CCDC158: variants seen among roughly 807,000 people sequenced by gnomAD.
The protein encoded by CCDC158 is coiled-coil domain-containing protein 158.
In CCDC158, 116 loss-of-function variants were observed where a neutral mutation model predicts 138.6. The observed-to-expected ratio is 0.84, with a 90% confidence interval of 0.72 to 0.98. The LOEUF (loss-of-function observed/expected upper bound fraction) is 0.98, where lower values mean the gene tolerates loss of function less well. Among genes scored for constraint, CCDC158 ranks in the 50% least tolerant of loss-of-function variants. CCDC158 has a pLI of 0.00. For synonymous variants in CCDC158, 436 were observed against 442.4 expected (o/e 0.99, Z 0.18); for missense variants, 1,265 against 1,306.1 (o/e 0.97, Z 0.48).
intron 9 of CCDC158, among the ~76,000 whole-genome samples, chr4:76,372,887 C>T (rs1024687409): frequency 1.3e-5 from 2 of 151,984 alleles, no homozygotes; most frequent in Non-Finnish European, 1.5e-5. Flanking sequence ...CTCGCCCTGT[C>T]GCCCAGGCTG....
At chr4:76,352,852 A>C in intron 16 of CCDC158, 1 of 297,210 alleles carries the variant, frequency 3.4e-6, no homozygotes, top group Non-Finnish European at 6.1e-6. Flanking sequence ...TATGGATATC[A>C]GGAACATCTT....
chr4:76,383,759 C>G (rs1270253974), intron 6 of CCDC158, 21 bp from the exon 7 acceptor site: 4 of 1,552,944 alleles, frequency 2.6e-6, no homozygotes, highest in Non-Finnish European at 3.6e-6. Context: ...AAAAGAGACA[C>G]TGATTTAGTT....
At chr4:76,344,768 T>A in intron 18 of CCDC158, 1 of 1,611,646 alleles carries the variant, frequency 6.2e-7, no homozygotes, top group Non-Finnish European at 8.5e-7. Flanking sequence ...GGCTTATTAT[T>A]CCACCTGCTG....
intron 18 of CCDC158, among the ~76,000 whole-genome samples, chr4:76,341,797 T>G (rs6532361): frequency 6.6e-6 from 1 of 152,222 alleles, no homozygotes; most frequent in African/African-American, 2.4e-5. Context: ...ATTACTTTTC[T>G]GGTTTTCCTA....
At chr4:76,337,807 G>T (rs1371937652) in intron 18 of CCDC158, among the ~76,000 whole-genome samples, 1 of 152,058 alleles carries the variant, frequency 6.6e-6, no homozygotes, top group Non-Finnish European at 1.5e-5. Context: ...TATCAGGCTT[G>T]TAAAGAAATA....
At chr4:76,342,533 G>A (rs1722156122) in intron 18 of CCDC158, among the ~76,000 whole-genome samples, 1 of 152,078 alleles carries the variant, frequency 6.6e-6, no homozygotes, top group African/African-American at 2.4e-5. Context: ...GCTATTATTA[G>A]AATTGTAAAA....
intron 1 of CCDC158, among the ~76,000 whole-genome samples, chr4:76,416,590 T>C (rs892030050): frequency 1.3e-5 from 2 of 152,202 alleles, no homozygotes; most frequent in African/African-American, 4.8e-5. Context: ...GTCCCTGTGC[T>C]GTGTGCAGCC....
chr4:76,339,200 A>T (rs1002601195), intron 18 of CCDC158, among the ~76,000 whole-genome samples: 9 of 152,196 alleles, frequency 5.9e-5, no homozygotes, highest in Admixed American at 5.9e-4. Flanking sequence ...AGAAGCAATT[A>T]TTGAATGCCA....
chr4:76,318,077 C>T (rs1456432796), intron 24 of CCDC158, among the ~76,000 whole-genome samples: 3 of 152,016 alleles, frequency 2.0e-5, no homozygotes, highest in African/African-American at 4.8e-5. Context: ...CAAATAGACA[C>T]TCTAAGGTCA....
intron 9 of CCDC158, 142 bp from the exon 10 acceptor site, chr4:76,371,678 C>G: frequency 3.1e-6 from 3 of 957,476 alleles, no homozygotes; most frequent in South Asian, 3.7e-5. Flanking sequence ...TGGCTCATGC[C>G]TGTAATCCCA....
rs200012767 is a variant in CCDC158, at chr4:76,353,152, C to T, written c.2416G>A (p.Val806Ile). 349 of 1,613,198 alleles carry T rather than the reference C, an allele frequency of 2.2e-4. 2 individuals carry two copies. In the Middle Eastern group the frequency reaches 9.5e-3, roughly 44 times the overall value. The change falls in exon 16 of 25, where the codon GTT becomes ATT. Residue 806 changes from valine (V) to isoleucine (I), a missense_variant. By Grantham distance (29) the Val-to-Ile change is conservative. Coordinates refer to ENST00000682701, the MANE Select transcript of CCDC158 (RefSeq NM_001394954.1). ...TCCAGAGCCACTTCCATATTAGTAA[C>T]CTTTTCTTTCAAACGGCGTTCCTGA... Reference protein sequence around the residue: ...RSQERRLKEKVTNMEVALDKA... With the variant: ...RSQERRLKEKITNMEVALDKA...
chr4:76,411,414 CA>C (rs1343271571), intron 2 of CCDC158, among the ~76,000 whole-genome samples: 1 of 151,746 alleles, frequency 6.6e-6, no homozygotes. Flanking sequence ...AAACAAAAAC[CA>C]AAAAAAGCAC....
At chr4:76,347,379 A>G (rs1722662264) in intron 18 of CCDC158, among the ~76,000 whole-genome samples, 1 of 152,136 alleles carries the variant, frequency 6.6e-6, no homozygotes, top group Non-Finnish European at 1.5e-5. Flanking sequence ...ATGCAGCCAT[A>G]AAAAAGGATG....
Position 76,332,509 on chromosome 4 carries a change from C to A in CCDC158, c.2823-18G>T. On this transcript the variant is annotated intron_variant, in intron 19 of 24. Transcript: ENST00000682701. ...TATCCTCTCTGTATAGAAAATATAA[C>A]TCTCAGTTAATCATATAAAGCACAA... 2 of 1,569,218 alleles carry A rather than the reference C, an allele frequency of 1.3e-6. No individual in the cohort carries two copies. The highest frequency in any genetic ancestry group is 1.7e-6 in the Non-Finnish European group (2 of 1,149,254).
chr4:76,329,561 G>T (rs1340180788), intron 21 of CCDC158, among the ~76,000 whole-genome samples: 2 of 152,164 alleles, frequency 1.3e-5, no homozygotes, highest in African/African-American at 4.8e-5. Context: ...TCCAGCCTGG[G>T]CGACAGGGAG....
intron 18 of CCDC158, among the ~76,000 whole-genome samples, chr4:76,348,604 G>A (rs911953967): frequency 6.6e-6 from 1 of 151,912 alleles, no homozygotes; most frequent in Non-Finnish European, 1.5e-5. Flanking sequence ...ATACAAAAAA[G>A]TAAAAGATAA....
At chr4:76,346,109 TG>T (rs1386795239) in intron 18 of CCDC158, among the ~76,000 whole-genome samples, 1 of 152,164 alleles carries the variant, frequency 6.6e-6, no homozygotes, top group Non-Finnish European at 1.5e-5. Context: ...ATCTGATCTT[TG>T]ACAAACCCAA....
chr4:76,383,747 TAA>T lies in CCDC158; in HGVS notation c.727-11_727-10del, dbSNP rs778199893. Reference sequence around the variant, plus strand: ...TCAAGTTGATCCTCTACCTGGTTTTTAAAAAGAGACACTGATTTAGTTACTGG... The same window carrying T: ...TCAAGTTGATCCTCTACCTGGTTTTTAAAGAGACACTGATTTAGTTACTGG... On this transcript the variant is annotated splice_polypyrimidine_tract_variant and intron_variant, in intron 6 of 24. Transcript: ENST00000682701. 1.9e-6 allele frequency: 3 copies of T among 1,601,712 alleles called. No homozygotes were observed. Among genetic ancestry groups the T allele is most frequent in the Non-Finnish European group, 8.6e-7 (1 of 1,168,940 alleles).
In CCDC158 at chr4:76,367,554, A is replaced by T. The variant is rs1469463731; in HGVS notation, c.1570T>A (p.Ser524Thr). ...TCCTGCAATTTCAAGTCCACCCGGG[A>T]GCGGAGCTTTGTGATCTCTGCATTG... ...ATNAEITKLR[S>T]RVDLKLQELQ... Residue 524 changes from serine to threonine, a missense_variant, in exon 12 of 25, where the codon TCC (serine) becomes ACC (threonine). By Grantham distance (58) the Ser-to-Thr change is moderately conservative. Coordinates refer to ENST00000682701, the MANE Select transcript of CCDC158 (RefSeq NM_001394954.1). 1.7e-5 allele frequency: 28 copies of T among 1,614,152 alleles called. No individual in the cohort carries two copies. The highest frequency in any genetic ancestry group is 2.3e-5 in the Non-Finnish European group (27 of 1,180,024).
Sources: gnomAD v4.1 joint callset for allele counts (sites outside exome capture counted in the v4.1 genomes callset) on GRCh38, gnomAD v4.1.1 for gene constraint, MANE v1.5 for transcripts, NCBI Gene and HGNC (gene_info 2026-07-23, HGNC 2026-07-21) for gene names.